The following GPC5 variants were observed in gnomAD, a reference collection of about 807,000 sequenced individuals.
GPC5 encodes glypican 5.
Under a neutral mutation model 53.9 loss-of-function variants are expected in GPC5, and 47 were observed. The ratio of observed to expected loss-of-function variants is 0.87; its 90% CI spans 0.69 to 1.11. The LOEUF (loss-of-function observed/expected upper bound fraction) is 1.11, where lower values mean the gene tolerates loss of function less well. Ranked by LOEUF, GPC5 falls within the 50% of genes most tolerant of loss-of-function variation. GPC5 has a pLI of 0.00. For synonymous variants in GPC5, 286 were observed against 263.3 expected, an observed-to-expected ratio of 1.09 and a Z score of -0.84; for missense variants, 748 against 713.1, an observed-to-expected ratio of 1.05 and a Z score of -0.56.
intron 7 of GPC5, among the ~76,000 whole-genome samples, chr13:92,534,594 T>C (rs1392369613): frequency 1.3e-5 from 2 of 152,156 alleles, no homozygotes; most frequent in Non-Finnish European, 2.9e-5. Flanking sequence ...GGTGGGAAAA[T>C]TCCCTGGACC....
At chr13:91,578,266 C>T (rs2032213356) in intron 2 of GPC5, among the ~76,000 whole-genome samples, 1 of 152,110 alleles carries the variant, frequency 6.6e-6, no homozygotes, top group Non-Finnish European at 1.5e-5. Context: ...CATGAGAGAC[C>T]CTAGTCTAGA....
At chr13:92,663,628 C>CTATA (rs1886429783) in intron 7 of GPC5, among the ~76,000 whole-genome samples, 1 of 79,664 alleles carries the variant, frequency 1.3e-5, no homozygotes, top group Non-Finnish European at 3.2e-5. Flanking sequence ...TATATATATA[C>CTATA]TATATATACA....
At chr13:92,646,514 A>G (rs1247059625) in intron 7 of GPC5, among the ~76,000 whole-genome samples, 3 of 152,128 alleles carry the variant, frequency 2.0e-5, no homozygotes, top group Non-Finnish European at 4.4e-5. Context: ...GCATTTTCAT[A>G]TAAGTTTTAG....
chr13:92,613,593 CATT>C (rs1229312157), intron 7 of GPC5, among the ~76,000 whole-genome samples: 1 of 116,354 alleles, frequency 8.6e-6, no homozygotes, highest in Non-Finnish European at 1.7e-5. Flanking sequence ...TTTTATATAT[CATT>C]TTATTATATT....
At chr13:92,655,555 G>A (rs545917431) in intron 7 of GPC5, among the ~76,000 whole-genome samples, 7 of 152,126 alleles carry the variant, frequency 4.6e-5, no homozygotes, top group African/African-American at 1.4e-4. Context: ...GGATGGTTTC[G>A]AACTCCTGAC....
intron 7 of GPC5, among the ~76,000 whole-genome samples, chr13:92,198,271 A>G (rs537653263): frequency 1.8e-4 from 28 of 152,318 alleles, no homozygotes; most frequent in African/African-American, 6.3e-4. Context: ...TGAGAACAGC[A>G]TCCTTACTGG....
intron 7 of GPC5, among the ~76,000 whole-genome samples, chr13:92,780,238 C>G (rs1448118421): frequency 6.6e-6 from 1 of 151,234 alleles, no homozygotes; most frequent in Non-Finnish European, 1.5e-5. Context: ...GCTACAATGT[C>G]TTTGATTATA....
chr13:92,744,527 A>T (rs1889193913), intron 7 of GPC5, among the ~76,000 whole-genome samples: 1 of 151,758 alleles, frequency 6.6e-6, no homozygotes, highest in Non-Finnish European at 1.5e-5. Flanking sequence ...CCAGAACATG[A>T]GATAGAACCC....
intron 7 of GPC5, among the ~76,000 whole-genome samples, chr13:92,410,293 G>A (rs1261926881): frequency 1.3e-5 from 2 of 152,154 alleles, no homozygotes; most frequent in South Asian, 2.1e-4. Context: ...ACAGATGACA[G>A]TTGATACTCT....
At chr13:91,651,552 T>C (rs2034711061) in intron 2 of GPC5, among the ~76,000 whole-genome samples, 1 of 152,176 alleles carries the variant, frequency 6.6e-6, no homozygotes, top group African/African-American at 2.4e-5. Flanking sequence ...AAACCTCATC[T>C]CTACTAAAAA....
chr13:92,246,725 C>T (rs954148052), intron 7 of GPC5, among the ~76,000 whole-genome samples: 65 of 152,066 alleles, frequency 4.3e-4, no homozygotes, highest in Non-Finnish European at 2.6e-4. Flanking sequence ...AATCCGGTCA[C>T]GGGCTATGAA....
At chr13:91,992,131 G>A (rs912791962) in intron 6 of GPC5, among the ~76,000 whole-genome samples, 2 of 152,018 alleles carry the variant, frequency 1.3e-5, no homozygotes, top group African/African-American at 4.8e-5. Context: ...TTGAACTCCT[G>A]GGCTCAAGTG....
chr13:92,702,166 T>G (rs905140950), intron 7 of GPC5, among the ~76,000 whole-genome samples: 2 of 152,110 alleles, frequency 1.3e-5, no homozygotes, highest in African/African-American at 4.8e-5. Context: ...CCCTTTTATT[T>G]AAACTTTTAA....
At chr13:91,887,231 G>A (rs539880678) in intron 5 of GPC5, among the ~76,000 whole-genome samples, 1 of 152,170 alleles carries the variant, frequency 6.6e-6, no homozygotes, top group Non-Finnish European at 1.5e-5. Context: ...CAAAGACATG[G>A]TTTGAGCTGT....
At chr13:91,416,029 T>C (rs1386951372) in intron 1 of GPC5, among the ~76,000 whole-genome samples, 1 of 152,208 alleles carries the variant, frequency 6.6e-6, no homozygotes, top group Non-Finnish European at 1.5e-5. Context: ...GAATGGGTGC[T>C]TAATAAATAT....
At chr13:92,140,594 T>C (rs2041823293) in intron 6 of GPC5, among the ~76,000 whole-genome samples, 1 of 152,214 alleles carries the variant, frequency 6.6e-6, no homozygotes, top group Non-Finnish European at 1.5e-5. Context: ...CCCATCTTTT[T>C]GGATTGATAA....
intron 5 of GPC5, among the ~76,000 whole-genome samples, chr13:91,840,583 CCT>C (rs1422918514): frequency 6.6e-6 from 1 of 151,464 alleles, no homozygotes. Context: ...GGAAACTGGC[CCT>C]GTTTGTTCCC....
At chr13:91,972,502 T>A (rs2040253296) in intron 6 of GPC5, among the ~76,000 whole-genome samples, 1 of 152,244 alleles carries the variant, frequency 6.6e-6, no homozygotes, top group South Asian at 2.1e-4. Flanking sequence ...AATTTGATCC[T>A]GTCATTATGA....
chr13:92,851,391 G>A (rs1878794463), intron 7 of GPC5, among the ~76,000 whole-genome samples: 1 of 152,168 alleles, frequency 6.6e-6, no homozygotes, highest in South Asian at 2.1e-4. Flanking sequence ...TCTCAGGCAA[G>A]ACGCTGGAAG....
Sources: gnomAD v4.1 joint callset for allele counts (sites outside exome capture counted in the v4.1 genomes callset) on GRCh38, gnomAD v4.1.1 for gene constraint, MANE v1.5 for transcripts, NCBI Gene and HGNC (gene_info 2026-07-23, HGNC 2026-07-21) for gene names.